The following LIPA variants were observed in gnomAD, a reference collection of about 807,000 sequenced individuals.
LIPA encodes the protein lysosomal acid lipase/cholesteryl ester hydrolase.
In LIPA, 26 loss-of-function variants were observed where a neutral mutation model predicts 40.6. That is an observed-to-expected ratio of 0.64 (90% CI 0.47 to 0.89). LIPA has a LOEUF of 0.89. Ranked by LOEUF, LIPA falls within the 40% of genes least tolerant of loss-of-function variation. LIPA has a pLI of 0.00. For missense variants in LIPA, 455 were observed against 479.6 expected (o/e 0.95, Z 0.48); for synonymous variants, 188 against 168.4 (o/e 1.12, Z -0.90).
chr10:89,384,052 A>G (rs1844184392), intron 2 of LIPA: 4 of 1,614,232 alleles, frequency 2.5e-6, no homozygotes, highest in African/African-American at 1.3e-5. Flanking sequence ...TCTGACCAGT[A>G]TATCTTCACA....
chr10:89,213,675 C>T lies in LIPA; in HGVS notation c.*1153G>A, dbSNP rs1317370659. 1 of 152,224 alleles carries T rather than the reference C, an allele frequency of 6.6e-6. No homozygotes were observed. The highest frequency in any genetic ancestry group is 2.4e-5 in the African/African-American group (1 of 41,458). The allele number at this position is 152,224 out of a possible 1,614,324, so 9.4% of individuals were successfully genotyped here. ...ATATTAACCATTAACAAGCATTGTA[C>T]TGTTAGTGCAGCTAAAGTAATTATA... On this transcript the variant is annotated 3_prime_UTR_variant, in exon 10 of 10. Coordinates refer to ENST00000336233, the MANE Select transcript of LIPA (RefSeq NM_000235.4).
intron 9 of LIPA, 136 bp from the exon 10 acceptor site, chr10:89,215,197 T>C (rs1842609030): frequency 5.5e-6 from 4 of 730,618 alleles, no homozygotes; most frequent in African/African-American, 1.7e-5. Flanking sequence ...TCTCTTTGAG[T>C]ATCTTTTCAA....
intron 1 of LIPA, chr10:89,335,300 G>T (rs1053289383): frequency 2.6e-5 from 4 of 152,136 alleles, no homozygotes; most frequent in African/African-American, 9.7e-5. Context: ...CATTGGTAAA[G>T]CATTGGTGGG....
At chr10:89,414,482 C>G (rs1053014513) in exon 1 of LIPA, 1 of 359,122 alleles carries the variant, frequency 2.8e-6, no homozygotes. Context: ...ACCCTGGACT[C>G]CGCAAACGTC....
At chr10:89,254,208 C>G (rs149885752), upstream of LIPA, among the ~76,000 whole-genome samples, 21 of 152,384 alleles carry the variant, frequency 1.4e-4, no homozygotes, top group Admixed American at 2.6e-4. Context: ...AGCCCAGGCT[C>G]TCCTTGAGGG....
At chr10:89,412,828 A>C (rs977852800) in exon 2 of LIPA, 12 of 400,814 alleles carry the variant, frequency 3.0e-5, no homozygotes, top group African/African-American at 2.3e-4. Context: ...GAACATCGAA[A>C]GGAACAAACT....
chr10:89,375,864 A>G (rs1393434398), intron 2 of LIPA, among the ~76,000 whole-genome samples: 1 of 152,162 alleles, frequency 6.6e-6, no homozygotes, highest in Non-Finnish European at 1.5e-5. Context: ...GGAAGAATAC[A>G]TGGATCTAAA....
At chr10:89,405,933 A>G (rs1447810152) in intron 2 of LIPA, 2 of 152,140 alleles carry the variant, frequency 1.3e-5, no homozygotes, top group East Asian at 1.9e-4. Flanking sequence ...ACCCCAAGAA[A>G]ATCTCCAAAT....
chr10:89,408,169 T>A (rs982710975), intron 2 of LIPA, among the ~76,000 whole-genome samples: 1 of 152,182 alleles, frequency 6.6e-6, no homozygotes, highest in Non-Finnish European at 1.5e-5. Context: ...GGGACCAATT[T>A]GACCTGCAAA....
chr10:89,265,148 G>A (rs1220309389), intron 1 of LIPA, among the ~76,000 whole-genome samples: 1 of 152,124 alleles, frequency 6.6e-6, no homozygotes, highest in South Asian at 2.1e-4. Context: ...AGCAGGGAGA[G>A]GCCAGGCAGT....
chr10:89,358,947 A>G (rs760635008), intron 2 of LIPA, among the ~76,000 whole-genome samples: 5 of 152,246 alleles, frequency 3.3e-5, no homozygotes, highest in African/African-American at 7.2e-5. Flanking sequence ...AAAATAAATT[A>G]TTGAGATGAT....
rs1183226600 is a variant in LIPA at position 89,331,614 on chromosome 10, CTT to C, written c.-2+10995_-2+10996del. Among the ~76,000 whole-genome samples, 9 of 152,240 alleles carry C rather than the reference CTT, an allele frequency of 5.9e-5. No individual in the cohort carries two copies. In the East Asian group the frequency reaches 1.7e-3, roughly 29 times the overall value. On this transcript the variant is annotated intron_variant, in intron 1 of 5. Coordinates refer to the LIPA transcript ENST00000282673. The stretch of plus-strand genomic sequence containing the variant: ...GTGGCTCACACCCATAAGCCCAACA[CTT>C]TGGGAGGCCGAGGAGGGCAGATGCT...
In LIPA at chr10:89,222,447, G is replaced by A. The variant is rs530100744; in HGVS notation, c.894+64C>T. ...TTGTCTTTCTATTTGGAAAGGGTTT[G>A]CATGCCCAGACCTTTCTGATGTTGA... is the stretch of plus-strand genomic sequence containing the variant. On this transcript the variant is annotated intron_variant, in intron 8 of 9. Transcript: ENST00000336233. 4.0e-5 allele frequency: 40 copies of A among 987,706 alleles called. No individual in the cohort carries two copies. In the East Asian group the frequency reaches 9.3e-4, roughly 23 times the overall value. The allele number at this position is 987,706 out of a possible 1,614,324, so 61.2% of individuals were successfully genotyped here.
chr10:89,323,930 A>G (rs1031116917), intron 1 of LIPA, among the ~76,000 whole-genome samples: 1 of 152,362 alleles, frequency 6.6e-6, no homozygotes. Flanking sequence ...AACCTATTTT[A>G]AAATTCCTAT....
At chr10:89,355,603 C>G in intron 2 of LIPA, among the ~76,000 whole-genome samples, 1 of 152,180 alleles carries the variant, frequency 6.6e-6, no homozygotes. Flanking sequence ...CTGGGCTGCA[C>G]TCCCAAGAGC....
Position 89,339,379 on chromosome 10 carries a change from G to C in LIPA, c.-2+3232C>G, listed in dbSNP as rs200828472. On this transcript the variant is annotated intron_variant, in intron 1 of 5. Coordinates refer to the LIPA transcript ENST00000282673. ...CTTGGAAAAGTCTCCTTGCCAAACA[G>C]ATGTCCTCCGCAGTGCAGCCAAATT... The C allele has an allele frequency of 2.3e-4, 371 of 1,614,018 alleles. No individual in the cohort carries two copies. Among genetic ancestry groups the C allele is most frequent in the Non-Finnish European group, 3.0e-4 (351 of 1,180,016 alleles).
At chr10:89,280,085 A>C (rs1843307560) in intron 1 of LIPA, among the ~76,000 whole-genome samples, 1 of 152,220 alleles carries the variant, frequency 6.6e-6, no homozygotes, top group Admixed American at 6.5e-5. Context: ...TAGCAAGATT[A>C]TAAGTACTGA....
At chr10:89,220,882 G>A (rs2133422077) in intron 8 of LIPA, among the ~76,000 whole-genome samples, 1 of 152,282 alleles carries the variant, frequency 6.6e-6, no homozygotes, top group Non-Finnish European at 1.5e-5. Flanking sequence ...CAGATCCTCA[G>A]AAATAAAAAG....
chr10:89,247,661 A>T lies in LIPA; in HGVS notation c.-1-12T>A. ...ACCGCATTTTCATTCTGTATAATAA[A>T]ACAGTCTATTATTATTTGCTTGAAT... On this transcript the variant is annotated splice_polypyrimidine_tract_variant and intron_variant, in intron 1 of 9. Transcript: ENST00000336233. The T allele has an allele frequency of 6.5e-7, 1 of 1,531,382 alleles. No homozygotes were observed. Among genetic ancestry groups the T allele is most frequent in the Non-Finnish European group, 9.1e-7 (1 of 1,104,762 alleles). The allele number at this position is 1,531,382 out of a possible 1,614,324, so 94.9% of individuals were successfully genotyped here. A position where few individuals can be genotyped will look rare whatever the true frequency, so the allele number is the denominator to read the frequency against.
Sources: gnomAD v4.1 joint callset for allele counts (sites outside exome capture counted in the v4.1 genomes callset) on GRCh38, gnomAD v4.1.1 for gene constraint, MANE v1.5 for transcripts, NCBI Gene and HGNC (gene_info 2026-07-23, HGNC 2026-07-21) for gene names.